Variants in BDNF observed in about 807,000 individuals in gnomAD.
BDNF encodes the protein brain derived neurotrophic factor.
In BDNF, 1 loss-of-function variant was observed where a neutral mutation model predicts 19.5. That is an observed-to-expected ratio of 0.05 (90% CI 0.02 to 0.24). The LOEUF is 0.24. Ranked by LOEUF, BDNF falls within the 10% of genes least tolerant of loss-of-function variation. The pLI, the probability that BDNF is intolerant of heterozygous loss-of-function variation, is 1.00. For missense variants in BDNF, 195 were observed against 317.6 expected (o/e 0.61, Z 2.93); for synonymous variants, 100 against 121.6 (o/e 0.82, Z 1.17).
intron 1 of BDNF, chr11:27,674,200 A>G (rs375110543): frequency 6.2e-7 from 1 of 1,605,238 alleles, no homozygotes; most frequent in Non-Finnish European, 8.5e-7. Flanking sequence ...TGGACCTGCA[A>G]CCCTTTCTGT....
Position 27,657,320 on chromosome 11 carries a change from C to G in BDNF, c.*501G>C. On this transcript the variant is annotated 3_prime_UTR_variant, in exon 2 of 2. Coordinates refer to ENST00000356660, the MANE Select transcript of BDNF (RefSeq NM_001709.5). The surrounding 1 kb of genome is among the most constrained non-coding windows in gnomAD (Gnocchi z 5.0). ...CCCTAAGCCAGTAAAGCAATGACAA[C>G]AGCACCTTGACATTGTTTTAATTCC... The G allele has an allele frequency of 1.0e-6, 1 of 993,396 alleles. No individual in the cohort carries two copies. Among genetic ancestry groups the G allele is most frequent in the South Asian group, 4.5e-5 (1 of 22,202 alleles). The allele number at this position is 993,396 out of a possible 1,614,324, so 61.5% of individuals were successfully genotyped here.
chr11:27,672,038 A>G (rs1855465743), intron 1 of BDNF, among the ~76,000 whole-genome samples: 1 of 152,134 alleles, frequency 6.6e-6, no homozygotes, highest in South Asian at 2.1e-4. Context: ...TTATGGGGAC[A>G]TTTATGTGGG....
intron 1 of BDNF, among the ~76,000 whole-genome samples, chr11:27,690,481 C>T (rs1858103872): frequency 6.6e-6 from 1 of 151,936 alleles, no homozygotes; most frequent in East Asian, 1.9e-4. Context: ...AGTTTGCTTC[C>T]ATGTTGTATA....
At chr11:27,665,171 T>G (rs1432526940) in intron 1 of BDNF, 2 of 152,196 alleles carry the variant, frequency 1.3e-5, no homozygotes, top group African/African-American at 4.8e-5. Flanking sequence ...ATCTACTATG[T>G]TATTGAAACC....
At chr11:27,708,783 A>C (rs550286974) in intron 1 of BDNF, among the ~76,000 whole-genome samples, 1 of 151,930 alleles carries the variant, frequency 6.6e-6, no homozygotes, top group South Asian at 2.1e-4. Context: ...TAACGTTTTA[A>C]GAGTAGGGAT....
chr11:27,704,055 G>T (rs1860015355), upstream of BDNF, among the ~76,000 whole-genome samples: 1 of 152,034 alleles, frequency 6.6e-6, no homozygotes. Context: ...TCCCTATTGT[G>T]GGCAAGGATG....
At chr11:27,659,556 C>G in intron 1 of BDNF, 1 of 1,000,280 alleles carries the variant, frequency 1.0e-6, no homozygotes, top group Non-Finnish European at 1.2e-6. Context: ...CCCTTCACTC[C>G]TTGGCTTTTT....
intron 1 of BDNF, among the ~76,000 whole-genome samples, chr11:27,688,413 T>C (rs1362827930): frequency 6.6e-6 from 1 of 151,612 alleles, no homozygotes; most frequent in African/African-American, 2.4e-5. Flanking sequence ...TCCGGGGGAG[T>C]GAATGGTTCT....
intron 1 of BDNF, among the ~76,000 whole-genome samples, chr11:27,673,735 G>GA (rs1209466131): frequency 6.6e-5 from 10 of 152,068 alleles, no homozygotes; most frequent in African/African-American, 2.4e-4. Context: ...TTCCATTATA[G>GA]AAAGAGTATC....
chr11:27,703,841 G>T (rs780381114), upstream of BDNF, among the ~76,000 whole-genome samples: 4 of 152,158 alleles, frequency 2.6e-5, no homozygotes, highest in African/African-American at 7.2e-5. Flanking sequence ...TTATAGCATT[G>T]CCAATACTGT....
At chr11:27,666,096 AT>A (rs1375640899) in intron 1 of BDNF, among the ~76,000 whole-genome samples, 1 of 152,162 alleles carries the variant, frequency 6.6e-6, no homozygotes, top group East Asian at 1.9e-4. Context: ...AGGGAGCAAC[AT>A]TTGCCGTTCT....
At chr11:27,674,431 C>T in intron 1 of BDNF, 1 of 1,440,706 alleles carries the variant, frequency 6.9e-7, no homozygotes, top group Non-Finnish European at 9.1e-7. Context: ...TGCTCTACCC[C>T]AGCTCCCAGC....
At chr11:27,674,888 T>C (rs1043185544) in intron 1 of BDNF, 97 of 899,164 alleles carry the variant, frequency 1.1e-4, no homozygotes, top group Non-Finnish European at 1.2e-4. Flanking sequence ...GCTGGAAAAA[T>C]AAGTAAAATG....
At chr11:27,681,459 A>C (rs1856820133) in intron 1 of BDNF, among the ~76,000 whole-genome samples, 1 of 152,182 alleles carries the variant, frequency 6.6e-6, no homozygotes, top group Admixed American at 6.6e-5. Flanking sequence ...TTACCAAATT[A>C]TGAGGTACAG....
Position 27,658,767 on chromosome 11 carries a change from T to C in BDNF, c.-21-182A>G. 3 of 1,481,310 alleles carry C rather than the reference T, an allele frequency of 2.0e-6. No homozygotes were observed. The highest frequency in any genetic ancestry group is 2.7e-6 in the Non-Finnish European group (3 of 1,117,726). The allele number at this position is 1,481,310 out of a possible 1,614,324, so 91.8% of individuals were successfully genotyped here. ...AGTGTCAGTAGTGTGCTGTATGTGG[T>C]TTAATATAAACCAGAGACATGCAGT... On this transcript the variant is annotated intron_variant, in intron 1 of 1. Coordinates refer to ENST00000356660, the MANE Select transcript of BDNF (RefSeq NM_001709.5). The surrounding 1 kb of genome is among the most constrained non-coding windows in gnomAD (Gnocchi z 5.7).
upstream of BDNF, chr11:27,700,517 G>C (rs1460818936): frequency 1.3e-5 from 11 of 834,312 alleles, no homozygotes; most frequent in Non-Finnish European, 1.5e-5. Flanking sequence ...GTCAAACGGC[G>C]CCGCCCCCCC....
intron 1 of BDNF, among the ~76,000 whole-genome samples, chr11:27,707,804 C>T (rs1860169154): frequency 6.6e-6 from 1 of 152,064 alleles, no homozygotes; most frequent in Admixed American, 6.6e-5. Flanking sequence ...TGGGAAATTA[C>T]TTCTTTTTTT....
intron 1 of BDNF, 76 bp downstream of exon 1, chr11:27,700,088 T>G (rs1859726263): frequency 1.0e-6 from 1 of 983,558 alleles, no homozygotes; most frequent in Non-Finnish European, 1.2e-6. Flanking sequence ...AACTTTGGGG[T>G]GGGGGATCCC....
intron 1 of BDNF, chr11:27,720,355 G>T: frequency 1.0e-6 from 1 of 985,838 alleles, no homozygotes. Context: ...CCTTCTTTGC[G>T]GCTTACACCA....
Sources: gnomAD v4.1 joint callset for allele counts (sites outside exome capture counted in the v4.1 genomes callset) on GRCh38, gnomAD v4.1.1 for gene constraint, Gnocchi (gnomAD v3.1) non-coding constraint, MANE v1.5 for transcripts, NCBI Gene and HGNC (gene_info 2026-07-23, HGNC 2026-07-21) for gene names.